The following SLIT2 variants were observed in gnomAD, a reference collection of about 807,000 sequenced individuals.
The protein encoded by SLIT2 is slit homolog 2 protein.
SLIT2 carries 41 observed loss-of-function variants against 185.7 expected under a neutral mutation model. That is an observed-to-expected ratio of 0.22 (90% CI 0.17 to 0.29). The LOEUF (loss-of-function observed/expected upper bound fraction) is 0.29. Ranked by LOEUF, SLIT2 falls within the 10% of genes least tolerant of loss-of-function variation. SLIT2 has a pLI of 1.00. For missense variants in SLIT2, 1,571 were observed against 1,909.0 expected (o/e 0.82, Z 3.30); for synonymous variants, 693 against 680.2 (o/e 1.02, Z -0.29).
intron 18 of SLIT2, among the ~76,000 whole-genome samples, chr4:20,537,290 T>C (rs1722384584): frequency 6.6e-6 from 1 of 152,154 alleles, no homozygotes; most frequent in African/African-American, 2.4e-5. Flanking sequence ...TGTTGGGCTA[T>C]GGCATTATGA....
At chr4:20,472,287 G>GATATATATATAT (rs1560452839) in intron 5 of SLIT2, among the ~76,000 whole-genome samples, 1 of 14,882 alleles carries the variant, frequency 6.7e-5, no homozygotes, top group Non-Finnish European at 1.2e-4. Context: ...TATATATATA[G>GATATATATATAT]ATATATAGAT....
chr4:20,539,762 T>G (rs1722635983), intron 19 of SLIT2, among the ~76,000 whole-genome samples, 178 bp downstream of exon 19: 1 of 152,156 alleles, frequency 6.6e-6, no homozygotes, highest in Non-Finnish European at 1.5e-5. Context: ...ACCTACTATC[T>G]TAGATTAAAT....
chr4:20,376,531 T>C (rs2109331252), intron 4 of SLIT2, among the ~76,000 whole-genome samples: 1 of 152,228 alleles, frequency 6.6e-6, no homozygotes, highest in Admixed American at 6.5e-5. Flanking sequence ...CCCCTGTCCG[T>C]GCATCAGTTT....
chr4:20,362,937 TA>T (rs146257477), intron 4 of SLIT2, among the ~76,000 whole-genome samples: 1 of 151,458 alleles, frequency 6.6e-6, no homozygotes, highest in African/African-American at 2.4e-5. Flanking sequence ...TTTTTTTTTT[TA>T]AAAAAGGGAT....
chr4:20,295,842 A>T (rs1347133042), intron 4 of SLIT2, among the ~76,000 whole-genome samples: 1 of 152,234 alleles, frequency 6.6e-6, no homozygotes, highest in East Asian at 1.9e-4. Context: ...TAGGAAAAAA[A>T]AATAAGAAAG....
intron 4 of SLIT2, among the ~76,000 whole-genome samples, chr4:20,407,797 T>C (rs1228443921): frequency 6.6e-6 from 1 of 152,118 alleles, no homozygotes; most frequent in Non-Finnish European, 1.5e-5. Flanking sequence ...AAACTAAAAA[T>C]TTTTTTGGAA....
intron 29 of SLIT2, chr4:20,573,191 A>C (rs1241799531): frequency 1.4e-6 from 1 of 702,872 alleles, no homozygotes; most frequent in Non-Finnish European, 2.6e-6. Flanking sequence ...GTTGTATTGC[A>C]ATGTAAAAAG....
chr4:20,415,238 C>T (rs1036579506), intron 4 of SLIT2, among the ~76,000 whole-genome samples: 2 of 151,912 alleles, frequency 1.3e-5, no homozygotes, highest in African/African-American at 2.4e-5. Flanking sequence ...GGTGAAACCC[C>T]GTCTCTACTA....
chr4:20,461,776 A>G (rs1713741371), intron 4 of SLIT2, among the ~76,000 whole-genome samples: 1 of 152,208 alleles, frequency 6.6e-6, no homozygotes, highest in African/African-American at 2.4e-5. Flanking sequence ...TGTATCCTTA[A>G]CTGAGATGAG....
rs1383731626 is a variant in SLIT2, at chr4:20,252,528, GC to G, written c.-1286del. ...GTGGCCTTGGGGGACGGAATTCAAAGCCTGGGAAAAGTTGCTGCACTTTGAG... is the reference window on the plus strand; with the variant it reads ...GTGGCCTTGGGGGACGGAATTCAAAGCTGGGAAAAGTTGCTGCACTTTGAG... On this transcript the variant is annotated 5_prime_UTR_variant, in exon 1 of 37. Coordinates refer to ENST00000504154, the MANE Select transcript of SLIT2 (RefSeq NM_004787.4). 7.2e-4 allele frequency among the ~76,000 whole-genome samples: 110 copies of G among 152,314 alleles called. No individual in the cohort carries two copies. The highest frequency in any genetic ancestry group is 2.5e-3 in the African/African-American group (106 of 41,590).
intron 4 of SLIT2, among the ~76,000 whole-genome samples, chr4:20,280,878 G>T (rs1232456972): frequency 6.9e-6 from 1 of 145,330 alleles, no homozygotes. Flanking sequence ...TGTTGCCCAG[G>T]TTGGAGTGCA....
chr4:20,567,202 A>G (rs1725160199), intron 26 of SLIT2, 60 bp from the exon 27 acceptor site: 2 of 1,426,296 alleles, frequency 1.4e-6, no homozygotes, highest in Non-Finnish European at 1.9e-6. Flanking sequence ...TAAGGCATAC[A>G]AGTAATTAAA....
intron 4 of SLIT2, among the ~76,000 whole-genome samples, chr4:20,406,000 T>C (rs1726750615): frequency 6.9e-6 from 1 of 144,862 alleles, no homozygotes; most frequent in South Asian, 2.4e-4. Flanking sequence ...GTATATGATG[T>C]GTGTCACTTT....
At chr4:20,330,358 G>C (rs957780235) in intron 4 of SLIT2, among the ~76,000 whole-genome samples, 12 of 152,212 alleles carry the variant, frequency 7.9e-5, no homozygotes, top group Non-Finnish European at 1.6e-4. Context: ...ACTGTGCAAA[G>C]TATGAAATAA....
At chr4:20,300,978 T>C (rs1716986431) in intron 4 of SLIT2, among the ~76,000 whole-genome samples, 1 of 152,110 alleles carries the variant, frequency 6.6e-6, no homozygotes, top group Admixed American at 6.5e-5. Flanking sequence ...GCCTTTGTGT[T>C]ACCTTAACAT....
In SLIT2 at chr4:20,619,624, T is replaced by A. The variant is rs1729936555; in HGVS notation, c.*615T>A. 6.6e-6 allele frequency: 1 copy of A among 152,174 alleles called. No individual in the cohort carries two copies. The highest frequency in any genetic ancestry group is 1.5e-5 in the Non-Finnish European group (1 of 68,032). 9.4% of individuals were successfully genotyped at this position (152,174 alleles called of 1,614,324 possible). A position where few individuals can be genotyped will look rare whatever the true frequency, so the allele number is the denominator to read the frequency against. On this transcript the variant is annotated 3_prime_UTR_variant, in exon 37 of 37. Coordinates refer to ENST00000504154, the MANE Select transcript of SLIT2 (RefSeq NM_004787.4). Reference sequence around the variant, plus strand: ...TCAGCAGAAGCAGCACACAAAAGTCTTTACCATTTTCCAGTATTAATTTTT... The same window carrying A: ...TCAGCAGAAGCAGCACACAAAAGTCATTACCATTTTCCAGTATTAATTTTT...
At chr4:20,589,557 C>A in intron 29 of SLIT2, 87 bp from the exon 30 acceptor site, 1 of 1,012,778 alleles carries the variant, frequency 9.9e-7, no homozygotes, top group Non-Finnish European at 1.5e-6. Flanking sequence ...CTGCCCTAAC[C>A]TCTAAGACCC....
chr4:20,551,778 G>C (rs1577911070), intron 25 of SLIT2, among the ~76,000 whole-genome samples: 1 of 152,052 alleles, frequency 6.6e-6, no homozygotes, highest in Non-Finnish European at 1.5e-5. Context: ...ACTCCAAGAA[G>C]ATACGATTTT....
intron 3 of SLIT2, among the ~76,000 whole-genome samples, chr4:20,262,598 A>G (rs527589253): frequency 2.6e-5 from 4 of 152,002 alleles, no homozygotes; most frequent in Admixed American, 2.6e-4. Flanking sequence ...TTTCCACACA[A>G]GTTTAAAATC....
Sources: allele counts gnomAD v4.1 joint callset (sites outside exome capture counted in the v4.1 genomes callset), GRCh38; gene constraint gnomAD v4.1.1; transcripts MANE v1.5; gene names NCBI Gene and HGNC (gene_info 2026-07-23, HGNC 2026-07-21).